Variants in FAT4 observed in about 807,000 individuals in gnomAD.
The protein encoded by FAT4 is protocadherin Fat 4.
Under a neutral mutation model 303.9 loss-of-function variants are expected in FAT4, and 84 were observed. The ratio of observed to expected loss-of-function variants is 0.28; its 90% CI spans 0.23 to 0.33. FAT4 has a LOEUF of 0.33. Among genes scored for constraint, FAT4 ranks in the 10% least tolerant of loss-of-function variants. FAT4 has a pLI of 1.00. For synonymous variants in FAT4, 2,307 were observed against 2,298.8 expected (o/e 1.00, Z -0.10); for missense variants, 6,005 against 6,146.8 (o/e 0.98, Z 0.77).
chr4:125,410,067 GA>G (rs1332080175), intron 5 of FAT4, among the ~76,000 whole-genome samples: 1 of 151,968 alleles, frequency 6.6e-6, no homozygotes, highest in African/African-American at 2.4e-5. Flanking sequence ...ATGGCACTTG[GA>G]ACGATATGAG....
intron 2 of FAT4, among the ~76,000 whole-genome samples, chr4:125,384,916 C>T (rs572026753): frequency 7.3e-5 from 11 of 150,126 alleles, no homozygotes; most frequent in Non-Finnish European, 1.5e-4. Flanking sequence ...TAACACTACT[C>T]AGTAACAAAA....
intron 17 of FAT4, among the ~76,000 whole-genome samples, chr4:125,489,579 G>T (rs1409612889): frequency 6.6e-6 from 1 of 152,048 alleles, no homozygotes; most frequent in Non-Finnish European, 1.5e-5. Context: ...GATGTAAAAA[G>T]GAAGGAAATT....
In FAT4 at chr4:125,448,707, T is replaced by A. The variant is rs777818619; in HGVS notation, c.7697T>A (p.Phe2566Tyr). Residue 2566 changes from phenylalanine to tyrosine, a missense_variant, in exon 10 of 18, where the codon TTC becomes TAC. Physicochemically the swap from Phe to Tyr is conservative, Grantham distance 22. Coordinates refer to ENST00000394329, the MANE Select transcript of FAT4 (RefSeq NM_001291303.3). ...GTTAGATTCGTGAATAAGGCCGATT[T>A]CCCTAAAGTGAGAGCCAAAGAACAA... ...VTVRFVNKAD[F>Y]PKVRAKEQTF... 4.3e-6 allele frequency: 7 copies of A among 1,613,924 alleles called. No homozygotes were observed. The highest frequency in any genetic ancestry group is 5.9e-6 in the Non-Finnish European group (7 of 1,179,902).
Position 125,468,497 on chromosome 4 carries a change from T to A in FAT4, c.11906-15T>A, listed in dbSNP as rs999727935. On this transcript the variant is annotated splice_polypyrimidine_tract_variant and intron_variant, in intron 11 of 17. Coordinates refer to ENST00000394329, the MANE Select transcript of FAT4 (RefSeq NM_001291303.3). ...ATGAAATTTTATGCCAGTTTGTCAA[T>A]TTTCCCTCCAACAGGTGTCTTTGGA... is the stretch of plus-strand genomic sequence containing the variant. 11 of 1,413,170 alleles carry A rather than the reference T, an allele frequency of 7.8e-6. No individual in the cohort carries two copies. Among genetic ancestry groups the A allele is most frequent in the Non-Finnish European group, 9.3e-6 (10 of 1,073,590 alleles). The allele number at this position is 1,413,170 out of a possible 1,614,324, so 87.5% of individuals were successfully genotyped here. A position where few individuals can be genotyped will look rare whatever the true frequency, so the allele number is the denominator to read the frequency against.
chr4:125,414,940 A>C lies in FAT4; in HGVS notation c.5977A>C (p.Thr1993Pro). ...IASGDSLGQFTVDKNGVLKVL... is the reference protein window; with the variant it reads ...IASGDSLGQFPVDKNGVLKVL... ...TTCAGGTGATAGCCTTGGGCAGTTTACTGTTGACAAGAATGGTGTACTCAA... is the reference window on the plus strand; with the variant it reads ...TTCAGGTGATAGCCTTGGGCAGTTTCCTGTTGACAAGAATGGTGTACTCAA... The change falls in exon 6 of 18, where the codon ACT (threonine) becomes CCT (proline). Residue 1993 changes from threonine to proline, a missense_variant. Transcript: ENST00000394329. 1 of 1,613,584 alleles carries C rather than the reference A, an allele frequency of 6.2e-7. No homozygotes were observed. Among genetic ancestry groups the C allele is most frequent in the Non-Finnish European group, 8.5e-7 (1 of 1,179,596 alleles).
In FAT4 at chr4:125,321,529, G is replaced by C; in HGVS notation, c.5118G>C (p.Leu1706=). The C allele has an allele frequency of 1.2e-6, 2 of 1,613,824 alleles. No individual in the cohort carries two copies. The highest frequency in any genetic ancestry group is 1.7e-6 in the Non-Finnish European group (2 of 1,179,852). The change falls in exon 2 of 18, where the codon CTG becomes CTC. Residue 1706 remains leucine, a synonymous_variant. Coordinates refer to ENST00000394329, the MANE Select transcript of FAT4 (RefSeq NM_001291303.3). ...LDREQGACLY[L]VDVYAIEKST... is the part of the protein sequence containing the mutation. The stretch of plus-strand genomic sequence containing the variant: ...GGGAGCAAGGAGCATGTCTTTACCT[G>C]GTGGATGTTTATGCCATAGAAAAAT...
At chr4:125,361,541 A>G (rs1560778733) in intron 2 of FAT4, among the ~76,000 whole-genome samples, 1 of 152,118 alleles carries the variant, frequency 6.6e-6, no homozygotes, top group Non-Finnish European at 1.5e-5. Context: ...CAAACTCTGC[A>G]ACCTTGATTG....
In FAT4 at chr4:125,415,668, C is replaced by T; in HGVS notation, c.6705C>T (p.Gly2235=). The T allele has an allele frequency of 6.2e-7, 1 of 1,614,010 alleles. No homozygotes were observed. The highest frequency in any genetic ancestry group is 2.2e-5 in the East Asian group (1 of 44,850). Residue 2235 remains glycine (G), a synonymous_variant, in exon 6 of 18, where the codon GGC becomes GGT. Transcript: ENST00000394329. ...YHLTVQATDR[G]STPRTDTSTV... ...TAACTGTTCAGGCAACAGATCGAGG[C>T]AGCACACCCAGAACTGATACCTCCA...
intron 7 of FAT4, among the ~76,000 whole-genome samples, chr4:125,423,393 A>G (rs1217446511): frequency 6.6e-6 from 1 of 152,138 alleles, no homozygotes; most frequent in African/African-American, 2.4e-5. Flanking sequence ...AGCCATGGCT[A>G]AAAGGGGCCA....
chr4:125,327,135 G>C (rs930114022), intron 2 of FAT4, among the ~76,000 whole-genome samples: 1 of 152,192 alleles, frequency 6.6e-6, no homozygotes, highest in African/African-American at 2.4e-5. Flanking sequence ...GGCATCATTA[G>C]TGGTGGTAGC....
In FAT4 at chr4:125,316,455, C is replaced by G. The variant is rs375956663; in HGVS notation, c.44C>G (p.Pro15Arg). ...AGGGCTACTGGCCGCCCGTGGCTCCCGTTGCACACTCTATCAGTATCTCAG... is the reference window on the plus strand; with the variant it reads ...AGGGCTACTGGCCGCCCGTGGCTCCGGTTGCACACTCTATCAGTATCTCAG... Reference protein sequence around the residue: ...PDRATGRPWLPLHTLSVSQLL... With the variant: ...PDRATGRPWLRLHTLSVSQLL... Residue 15 changes from proline to arginine, a missense_variant, in exon 2 of 18, where the codon CCG becomes CGG. Transcript: ENST00000394329. The surrounding 1 kb of genome is among the most constrained non-coding windows in gnomAD (Gnocchi z 5.7). 9.9e-6 allele frequency: 16 copies of G among 1,613,578 alleles called. No individual in the cohort carries two copies. Among genetic ancestry groups the G allele is most frequent in the Non-Finnish European group, 1.4e-5 (16 of 1,179,888 alleles).
At chr4:125,360,835 AAT>A (rs1162778920) in intron 2 of FAT4, among the ~76,000 whole-genome samples, 2 of 151,346 alleles carry the variant, frequency 1.3e-5, no homozygotes, top group Non-Finnish European at 2.9e-5. Flanking sequence ...AAATGTTTAA[AAT>A]ATGGTCTTGC....
At chr4:125,440,610 T>TGTGAGAGAGAGAGAGAGAGA (rs372756130) in intron 8 of FAT4, among the ~76,000 whole-genome samples, 10 of 75,750 alleles carry the variant, frequency 1.3e-4, no homozygotes, top group African/African-American at 4.1e-4. Context: ...TGTGTGTGTG[T>TGTGAGAGAGAGAGAGAGAGA]GAGAGAGAGA....
intron 2 of FAT4, among the ~76,000 whole-genome samples, chr4:125,385,020 ATATATT>A (rs1325368163): frequency 1.1e-4 from 10 of 94,894 alleles, no homozygotes; most frequent in South Asian, 3.2e-4. Flanking sequence ...ATATATATAT[ATATATT>A]TTTTTTTTTT....
chr4:125,354,070 G>T (rs1235975286), intron 2 of FAT4, among the ~76,000 whole-genome samples: 1 of 151,656 alleles, frequency 6.6e-6, no homozygotes, highest in Non-Finnish European at 1.5e-5. Flanking sequence ...GGCAATAAAA[G>T]TTGAAGTCTA....
In FAT4 at chr4:125,490,341, G is replaced by A. The variant is rs1553931010; in HGVS notation, c.13525G>A (p.Ala4509Thr). 6.2e-7 allele frequency: 1 copy of A among 1,614,170 alleles called. No individual in the cohort carries two copies. The change falls in exon 18 of 18, where the codon GCC becomes ACC. Residue 4509 changes from alanine (A) to threonine (T), a missense_variant. Ala to Thr is a moderately conservative substitution (Grantham distance 58, BLOSUM62 0). Transcript: ENST00000394329. The part of the protein sequence containing the change: ...EISLPLWAVP[A>T]IVGSCATVLA... ...CTCTCTGCCTTTGTGGGCTGTGCCT[G>A]CCATCGTGGGCAGCTGCGCAACCGT...
chr4:125,416,709 G>GCCTC, intron 7 of FAT4, 87 bp downstream of exon 7: 2 of 1,359,594 alleles, frequency 1.5e-6, no homozygotes, highest in Middle Eastern at 1.9e-4. Context: ...ACTTTGGGAG[G>GCCTC]CCAAGGTGGA....
At chr4:125,342,748 G>T (rs1248510276) in intron 2 of FAT4, among the ~76,000 whole-genome samples, 2 of 151,724 alleles carry the variant, frequency 1.3e-5, no homozygotes, top group Non-Finnish European at 2.9e-5. Flanking sequence ...GGTCAAGAAT[G>T]AAACACAATT....
Position 125,448,728 on chromosome 4 carries a change from A to G in FAT4, c.7718A>G (p.Glu2573Gly). The G allele has an allele frequency of 6.2e-7, 1 of 1,613,760 alleles. No homozygotes were observed. Among genetic ancestry groups the G allele is most frequent in the Non-Finnish European group, 8.5e-7 (1 of 1,179,920 alleles). The change falls in exon 10 of 18, where the codon GAA becomes GGA. Residue 2573 changes from glutamate to glycine, a missense_variant. Coordinates refer to ENST00000394329, the MANE Select transcript of FAT4 (RefSeq NM_001291303.3). ...KADFPKVRAK[E>G]QTFMFPENQP... ...GATTTCCCTAAAGTGAGAGCCAAAG[A>G]ACAAACGTTCATGTTTCCTGAAAAC...
Sources: allele counts gnomAD v4.1 joint callset (sites outside exome capture counted in the v4.1 genomes callset), GRCh38; gene constraint gnomAD v4.1.1; non-coding constraint Gnocchi (gnomAD v3.1); transcripts MANE v1.5; gene names NCBI Gene and HGNC (gene_info 2026-07-23, HGNC 2026-07-21).